NPAS3: variants seen among roughly 807,000 people sequenced by gnomAD.
NPAS3 encodes the protein neuronal PAS domain-containing protein 3.
NPAS3 carries 14 observed loss-of-function variants against 73.1 expected under a neutral mutation model. The observed-to-expected ratio is 0.19, with a 90% CI of 0.13 to 0.30. The LOEUF (loss-of-function observed/expected upper bound fraction) is 0.30. Ranked by LOEUF, NPAS3 falls within the 10% of genes least tolerant of loss-of-function variation. NPAS3 has a pLI of 1.00. For synonymous variants in NPAS3, 620 were observed against 541.5 expected (o/e 1.14, Z -2.01); for missense variants, 1,096 against 1,250.0 (o/e 0.88, Z 1.86).
intron 2 of NPAS3, among the ~76,000 whole-genome samples, chr14:33,115,453 T>A (rs555464823): frequency 6.6e-6 from 1 of 152,252 alleles, no homozygotes; most frequent in South Asian, 2.1e-4. Context: ...GGTGAGCATA[T>A]AATGCTGGTG....
At chr14:33,519,954 T>G (rs889553348) in intron 4 of NPAS3, among the ~76,000 whole-genome samples, 6 of 152,094 alleles carry the variant, frequency 3.9e-5, no homozygotes, top group Non-Finnish European at 7.4e-5. Context: ...GTGTCCAGAC[T>G]GTCGGGGAGA....
At chr14:33,276,903 C>G (rs913948711) in intron 3 of NPAS3, among the ~76,000 whole-genome samples, 1 of 151,992 alleles carries the variant, frequency 6.6e-6, no homozygotes, top group African/African-American at 2.4e-5. Context: ...TGTAAAATTT[C>G]TTGATTTGTT....
chr14:33,642,400 A>G (rs1405968702), intron 5 of NPAS3, among the ~76,000 whole-genome samples: 1 of 152,224 alleles, frequency 6.6e-6, no homozygotes, highest in Non-Finnish European at 1.5e-5. Flanking sequence ...ACTGATTTCA[A>G]TAAGAAGACA....
chr14:33,679,272 T>C (rs781537104), intron 6 of NPAS3, among the ~76,000 whole-genome samples: 2 of 152,210 alleles, frequency 1.3e-5, no homozygotes, highest in Admixed American at 6.5e-5. Context: ...ATTTTCTATC[T>C]GGGGCTTAAA....
chr14:33,245,840 ATAGT>A (rs554998611), intron 3 of NPAS3, among the ~76,000 whole-genome samples: 25 of 152,310 alleles, frequency 1.6e-4, no homozygotes, highest in South Asian at 2.1e-4. Context: ...ATTAAAAAAA[ATAGT>A]TAGACGAGTC....
intron 6 of NPAS3, among the ~76,000 whole-genome samples, chr14:33,725,600 C>G (rs2061243129): frequency 6.6e-6 from 1 of 152,164 alleles, no homozygotes; most frequent in Non-Finnish European, 1.5e-5. Context: ...CTGCCTACCT[C>G]TCTCATGTCA....
chr14:33,714,111 A>G (rs1375264487), intron 6 of NPAS3, among the ~76,000 whole-genome samples: 1 of 152,106 alleles, frequency 6.6e-6, no homozygotes, highest in Non-Finnish European at 1.5e-5. Flanking sequence ...CATTGTGCAC[A>G]TGTACCCTAA....
At chr14:32,972,924 TACTC>T (rs1266436692) in intron 1 of NPAS3, among the ~76,000 whole-genome samples, 2 of 152,208 alleles carry the variant, frequency 1.3e-5, no homozygotes, top group African/African-American at 4.8e-5. Context: ...GTACCTGAAA[TACTC>T]AGCTCATTTT....
intron 3 of NPAS3, among the ~76,000 whole-genome samples, chr14:33,263,562 C>T (rs1445641867): frequency 6.6e-6 from 1 of 152,124 alleles, no homozygotes; most frequent in Non-Finnish European, 1.5e-5. Context: ...GTGATGCCTC[C>T]AGCTTTGTTC....
chr14:33,794,958 A>C (rs2063469007), intron 10 of NPAS3, among the ~76,000 whole-genome samples: 1 of 152,150 alleles, frequency 6.6e-6, no homozygotes, highest in Non-Finnish European at 1.5e-5. Flanking sequence ...ACGTGGTCTG[A>C]GTAGGAAAAT....
intron 2 of NPAS3, among the ~76,000 whole-genome samples, chr14:33,105,491 A>T (rs1260174146): frequency 6.6e-6 from 1 of 152,118 alleles, no homozygotes; most frequent in Non-Finnish European, 1.5e-5. Flanking sequence ...ACCTACCTCC[A>T]GGTTTCAAAC....
At chr14:33,270,899 C>T (rs576620897) in intron 3 of NPAS3, among the ~76,000 whole-genome samples, 1 of 152,232 alleles carries the variant, frequency 6.6e-6, no homozygotes, top group Admixed American at 6.5e-5. Context: ...TACCAAATAC[C>T]CTCTAAGTAT....
At chr14:33,409,057 T>A (rs1281435871) in intron 4 of NPAS3, among the ~76,000 whole-genome samples, 2 of 152,206 alleles carry the variant, frequency 1.3e-5, no homozygotes, top group African/African-American at 2.4e-5. Context: ...CTCCCACTGA[T>A]AAAATTATTT....
intron 3 of NPAS3, among the ~76,000 whole-genome samples, chr14:33,343,451 C>T (rs189440414): frequency 6.6e-6 from 1 of 152,272 alleles, no homozygotes; most frequent in East Asian, 1.9e-4. Flanking sequence ...TCTTTTTCCC[C>T]TGTATGATTT....
chr14:33,761,195 C>T (rs911141113), intron 7 of NPAS3, among the ~76,000 whole-genome samples: 1 of 152,162 alleles, frequency 6.6e-6, no homozygotes, highest in African/African-American at 2.4e-5. Context: ...CAGTTTTGAT[C>T]CTAACACAAC....
chr14:33,576,860 C>A (rs917065629), intron 5 of NPAS3, among the ~76,000 whole-genome samples: 5 of 152,136 alleles, frequency 3.3e-5, no homozygotes, highest in African/African-American at 1.2e-4. Flanking sequence ...GAGAGTAGGC[C>A]CTCAGAGGAA....
At chr14:33,764,558 T>G (rs1483752134) in intron 7 of NPAS3, among the ~76,000 whole-genome samples, 1 of 152,226 alleles carries the variant, frequency 6.6e-6, no homozygotes, top group Non-Finnish European at 1.5e-5. Context: ...GAAGCAGTTT[T>G]TCTTCCTTGC....
At chr14:33,455,312 G>A (rs558360417) in intron 4 of NPAS3, among the ~76,000 whole-genome samples, 7 of 152,236 alleles carry the variant, frequency 4.6e-5, no homozygotes, top group African/African-American at 1.4e-4. Flanking sequence ...GGTTTTGGGG[G>A]GTGGGTAGAA....
At chr14:33,195,256 G>A (rs1373931317) in intron 2 of NPAS3, among the ~76,000 whole-genome samples, 1 of 150,646 alleles carries the variant, frequency 6.6e-6, no homozygotes, top group Non-Finnish European at 1.5e-5. Flanking sequence ...TTAAAAAAGG[G>A]TTTTTTTTTG....
Sources: gnomAD v4.1 joint callset for allele counts (sites outside exome capture counted in the v4.1 genomes callset) on GRCh38, gnomAD v4.1.1 for gene constraint, MANE v1.5 for transcripts, NCBI Gene and HGNC (gene_info 2026-07-23, HGNC 2026-07-21) for gene names.